Variants in C12orf42 observed in about 807,000 individuals in gnomAD.
C12orf42 encodes chromosome 12 open reading frame 42.
Under a neutral mutation model 21.6 loss-of-function variants are expected in C12orf42, and 25 were observed. The observed-to-expected ratio is 1.16, with a 90% CI of 0.84 to 1.62. The LOEUF (loss-of-function observed/expected upper bound fraction) is 1.62. Among genes scored for constraint, C12orf42 ranks in the 40% most tolerant of loss-of-function variants. The pLI is 0.00. For synonymous variants in C12orf42, 174 were observed against 175.0 expected (o/e 0.99, Z 0.05); for missense variants, 483 against 459.3 (o/e 1.05, Z -0.47).
intron 5 of C12orf42, chr12:103,269,882 A>G (rs1411465699): frequency 1.3e-5 from 2 of 152,222 alleles, no homozygotes; most frequent in African/African-American, 4.8e-5. Context: ...GAGGAGAGGG[A>G]TATTCAAGGC....
At chr12:103,513,720 A>G in the C12orf42 span, among the ~76,000 whole-genome samples, 4 of 152,352 alleles carry the variant, frequency 2.6e-5, no homozygotes, top group South Asian at 4.1e-4. Context: ...CAGAAAAAGC[A>G]TTCAATCCTT....
chr12:103,082,098 G>C, the C12orf42 span, among the ~76,000 whole-genome samples: 1 of 152,184 alleles, frequency 6.6e-6, no homozygotes, highest in African/African-American at 2.4e-5. Flanking sequence ...TTAAAACAGG[G>C]AACAGTTCAT....
At chr12:103,429,058 C>A (rs1950068089) in intron 2 of C12orf42, among the ~76,000 whole-genome samples, 2 of 152,154 alleles carry the variant, frequency 1.3e-5, no homozygotes, top group Admixed American at 6.5e-5. Context: ...AAAACTGGCA[C>A]AAGATAAGGA....
chr12:103,492,648 C>G (rs979893093), intron 1 of C12orf42, among the ~76,000 whole-genome samples: 2 of 152,138 alleles, frequency 1.3e-5, no homozygotes, highest in East Asian at 3.8e-4. Context: ...AGTTCAGAGT[C>G]AGGAAGTGGA....
chr12:103,479,767 C>G (rs1053695639), intron 1 of C12orf42, among the ~76,000 whole-genome samples: 6 of 151,940 alleles, frequency 3.9e-5, no homozygotes, highest in African/African-American at 1.4e-4. Flanking sequence ...TTAAATGAAC[C>G]AGGCATTCAT....
the C12orf42 span, among the ~76,000 whole-genome samples, chr12:103,152,594 C>A: frequency 5.3e-5 from 8 of 152,006 alleles, no homozygotes; most frequent in East Asian, 1.5e-3. Context: ...ACTAGACTAT[C>A]CAAAAAAATC....
At chr12:103,362,352 G>T (rs1410664936) in intron 4 of C12orf42, among the ~76,000 whole-genome samples, 1 of 152,046 alleles carries the variant, frequency 6.6e-6, no homozygotes, top group Admixed American at 6.6e-5. Context: ...AATTTAATCT[G>T]AACAGCAGCC....
At chr12:103,340,138 G>A (rs548598376) in intron 4 of C12orf42, among the ~76,000 whole-genome samples, 3 of 152,178 alleles carry the variant, frequency 2.0e-5, no homozygotes, top group Non-Finnish European at 4.4e-5. Context: ...GGAGGGCTGG[G>A]GAGAGCAAAA....
At chr12:103,315,983 T>C (rs1051991847) in intron 4 of C12orf42, among the ~76,000 whole-genome samples, 10 of 150,130 alleles carry the variant, frequency 6.7e-5, no homozygotes, top group Non-Finnish European at 1.5e-4. Context: ...GATATATATA[T>C]ATATACACAC....
chr12:103,540,378 C>CA, the C12orf42 span, among the ~76,000 whole-genome samples: 6 of 152,090 alleles, frequency 3.9e-5, no homozygotes, highest in Non-Finnish European at 7.3e-5. Context: ...CTTGATCTAT[C>CA]AATTACTAAG....
At chr12:103,462,386 C>T (rs898516531) in intron 2 of C12orf42, among the ~76,000 whole-genome samples, 9 of 151,942 alleles carry the variant, frequency 5.9e-5, no homozygotes, top group Non-Finnish European at 1.0e-4. Flanking sequence ...GCTGGAATTA[C>T]AGGTGTGAGC....
intron 2 of C12orf42, among the ~76,000 whole-genome samples, chr12:103,427,324 C>T (rs1949911676): frequency 6.7e-6 from 1 of 149,042 alleles, no homozygotes; most frequent in South Asian, 2.1e-4. Flanking sequence ...GGTTGCAATC[C>T]TAGTCTCTGA....
At chr12:103,220,732 T>C in the C12orf42 span, among the ~76,000 whole-genome samples, 1 of 152,132 alleles carries the variant, frequency 6.6e-6, no homozygotes, top group African/African-American at 2.4e-5. Context: ...AGTATCTTCC[T>C]CTCTCTATCA....
chr12:103,368,317 T>TCACACACACA (rs3065785), intron 4 of C12orf42, among the ~76,000 whole-genome samples: 4 of 146,514 alleles, frequency 2.7e-5, no homozygotes, highest in African/African-American at 1.0e-4. Flanking sequence ...TCTCTCTCTC[T>TCACACACACA]CACACACACA....
intron 4 of C12orf42, among the ~76,000 whole-genome samples, chr12:103,294,470 G>T (rs200246997): frequency 0.028 from 2,856 of 101,520 alleles, 33 homozygotes; most frequent in East Asian, 0.06. Context: ...AAGAAAGAAA[G>T]AAATAAGCAA....
At chr12:103,404,831 A>G (rs2048304152) in intron 2 of C12orf42, among the ~76,000 whole-genome samples, 1 of 152,244 alleles carries the variant, frequency 6.6e-6, no homozygotes, top group Admixed American at 6.5e-5. Context: ...TGTAACAACA[A>G]TGATGTGAAA....
chr12:103,448,421 A>G (rs1951717490), intron 2 of C12orf42, among the ~76,000 whole-genome samples: 2 of 152,100 alleles, frequency 1.3e-5, no homozygotes, highest in African/African-American at 2.4e-5. Context: ...AGCAAATGCA[A>G]CAAAAACAAA....
At chr12:103,550,238 A>T in the C12orf42 span, among the ~76,000 whole-genome samples, 1 of 152,266 alleles carries the variant, frequency 6.6e-6, no homozygotes, top group East Asian at 1.9e-4. Context: ...TTGTATAAAC[A>T]TATAAACATG....
intron 5 of C12orf42, among the ~76,000 whole-genome samples, chr12:103,272,054 C>A (rs140288332): frequency 6.6e-6 from 1 of 152,110 alleles, no homozygotes; most frequent in Admixed American, 6.6e-5. Context: ...TTGGCCAACT[C>A]TCAAGTTTAT....
Sources: allele counts gnomAD v4.1 joint callset (sites outside exome capture counted in the v4.1 genomes callset), GRCh38; gene constraint gnomAD v4.1.1; transcripts MANE v1.5; gene names NCBI Gene and HGNC (gene_info 2026-07-23, HGNC 2026-07-21).